ZDBF2: variants seen among roughly 807,000 people sequenced by gnomAD.
ZDBF2 encodes DBF4-type zinc finger-containing protein 2.
In ZDBF2, 6 loss-of-function variants were observed where a neutral mutation model predicts 9.4. The ratio of observed to expected loss-of-function variants is 0.64; its 90% CI spans 0.35 to 1.27. ZDBF2 has a LOEUF of 1.27. ZDBF2 is among the 50% of genes most tolerant of loss of function. The pLI is 0.03. For synonymous variants in ZDBF2, 905 were observed against 946.3 expected, an observed-to-expected ratio of 0.96 and a Z score of 0.80; for missense variants, 2,697 against 2,766.8, an observed-to-expected ratio of 0.97 and a Z score of 0.57.
intron 3 of ZDBF2, among the ~76,000 whole-genome samples, chr2:206,283,610 C>T (rs2105903039): frequency 6.6e-6 from 1 of 151,752 alleles, no homozygotes; most frequent in Admixed American, 6.6e-5. Flanking sequence ...GATAATTGAC[C>T]TTTATCAGAT....
rs772612974 is a variant in ZDBF2 at position 206,310,321 on chromosome 2, G to A, written c.5793G>A (p.Gly1931=). The change falls in exon 5 of 5, where the codon GGG becomes GGA. Residue 1931 remains glycine (G), a synonymous_variant. Transcript: ENST00000374423. ...CAGAGAGGCCTCCTAAGCAAAAGGGGCGTGTGGCTTCTCAATGCCAGACAG... is the reference window on the plus strand; with the variant it reads ...CAGAGAGGCCTCCTAAGCAAAAGGGACGTGTGGCTTCTCAATGCCAGACAG... The part of the protein sequence containing the change: ...PPAERPPKQK[G]RVASQCQTAK... 2.5e-6 allele frequency: 4 copies of A among 1,613,918 alleles called. No homozygotes were observed. Among genetic ancestry groups the A allele is most frequent in the Non-Finnish European group, 2.5e-6 (3 of 1,179,874 alleles).
intron 2 of ZDBF2, among the ~76,000 whole-genome samples, chr2:206,280,090 C>T (rs1691235743): frequency 6.6e-6 from 1 of 152,214 alleles, no homozygotes; most frequent in Non-Finnish European, 1.5e-5. Context: ...CAGGCATGAG[C>T]CACCATGCCC....
chr2:206,305,654 G>C lies in ZDBF2; in HGVS notation c.1126G>C (p.Asp376His). Reference sequence around the variant, plus strand: ...TTGTATCTCTCTTCAGTCAGCATCTGATCAGCCCCAAGAGACTGCACAAGA... The same window carrying C: ...TTGTATCTCTCTTCAGTCAGCATCTCATCAGCCCCAAGAGACTGCACAAGA... ...FDCISLQSAS[D>H]QPQETAQDLS... The change falls in exon 5 of 5, where the codon GAT (aspartate) becomes CAT (histidine). Residue 376 changes from aspartate to histidine, a missense_variant. Physicochemically the swap from Asp to His is moderately conservative, Grantham distance 81. Transcript: ENST00000374423. The C allele has an allele frequency of 1.2e-6, 2 of 1,613,638 alleles. No individual in the cohort carries two copies. Among genetic ancestry groups the C allele is most frequent in the Non-Finnish European group, 1.7e-6 (2 of 1,179,762 alleles).
chr2:206,291,183 T>G (rs950637473), intron 3 of ZDBF2, among the ~76,000 whole-genome samples: 1 of 152,232 alleles, frequency 6.6e-6, no homozygotes, highest in Non-Finnish European at 1.5e-5. Context: ...CACCAGGGAC[T>G]GGTTTCGTGG....
intron 2 of ZDBF2, among the ~76,000 whole-genome samples, chr2:206,280,759 A>G (rs988617125): frequency 5.3e-5 from 8 of 152,052 alleles, no homozygotes; most frequent in Non-Finnish European, 8.8e-5. Context: ...CCCTCATCTT[A>G]TGGTTTTAAG....
At chr2:206,299,516 A>C (rs1692382547) in intron 4 of ZDBF2, among the ~76,000 whole-genome samples, 1 of 151,746 alleles carries the variant, frequency 6.6e-6, no homozygotes, top group Non-Finnish European at 1.5e-5. Context: ...TACTAAAAAT[A>C]CAAAAATTAG....
intron 3 of ZDBF2, 85 bp from the exon 4 acceptor site, chr2:206,297,159 AAG>A: frequency 1.8e-6 from 1 of 544,160 alleles, no homozygotes; most frequent in Non-Finnish European, 3.2e-6. Flanking sequence ...TAATTTTACC[AAG>A]AGTATAGAAA....
chr2:206,308,143 C>T lies in ZDBF2; in HGVS notation c.3615C>T (p.Asp1205=), dbSNP rs548936026. The T allele has an allele frequency of 9.3e-6, 15 of 1,613,872 alleles. No homozygotes were observed. The South Asian group carries it at 1.5e-4, about 17-fold the overall frequency. ...CTGAAGTAAGTTTTGATTCTGATGA[C>T]CCTCTTCAGTCAGTGGCTGACCGGC... is the stretch of plus-strand genomic sequence containing the variant. The part of the protein sequence containing the change: ...CGSEVSFDSD[D]PLQSVADRLR... The change falls in exon 5 of 5, where the codon GAC becomes GAT. Residue 1205 remains aspartate, a synonymous_variant. Transcript: ENST00000374423.
Position 206,307,793 on chromosome 2 carries a change from G to A in ZDBF2, c.3265G>A (p.Glu1089Lys), listed in dbSNP as rs777447551. Residue 1089 changes from glutamate (E) to lysine (K), a missense_variant, in exon 5 of 5, where the codon GAA becomes AAA. Glu to Lys is a moderately conservative substitution (Grantham distance 56). This residue lies in a region of ZDBF2 where 1,783 missense variants were observed against 1,776.5 expected (regional missense o/e 1.00). Coordinates refer to ENST00000374423, the MANE Select transcript of ZDBF2 (RefSeq NM_020923.3). ...KITFDSEQLQEAVKKIDQWKE... is the reference protein window; with the variant it reads ...KITFDSEQLQKAVKKIDQWKE... ...AACTTTTGATTCTGAACAACTTCAG[G>A]AAGCGGTTAAAAAAATAGACCAATG... is the stretch of plus-strand genomic sequence containing the variant. The A allele has an allele frequency of 2.2e-5, 36 of 1,610,440 alleles. No individual in the cohort carries two copies. Among genetic ancestry groups the A allele is most frequent in the Non-Finnish European group, 3.1e-5 (36 of 1,179,056 alleles).
At chr2:206,280,271 G>T (rs895989232) in intron 2 of ZDBF2, among the ~76,000 whole-genome samples, 5 of 152,232 alleles carry the variant, frequency 3.3e-5, no homozygotes, top group Non-Finnish European at 7.3e-5. Flanking sequence ...CACTAGAGAT[G>T]ACGGAAGTGG....
Position 206,311,231 on chromosome 2 carries a change from CGTCATA to C in ZDBF2, c.6705_6710del (p.His2236_Arg2237del). The stretch of plus-strand genomic sequence containing the variant: ...TATTTCGAAATACTCTGTCTTTTTA[CGTCATA>C]GATATCAGTCCAGGAGCGCTTTTCT... On this transcript the variant is annotated inframe_deletion, in exon 5 of 5. Coordinates refer to ENST00000374423, the MANE Select transcript of ZDBF2 (RefSeq NM_020923.3). 6.2e-7 allele frequency: 1 copy of C among 1,611,504 alleles called. No homozygotes were observed. The highest frequency in any genetic ancestry group is 8.5e-7 in the Non-Finnish European group (1 of 1,178,872).
In ZDBF2 at chr2:206,305,716, A is replaced by G; in HGVS notation, c.1188A>G (p.Glu396=). The G allele has an allele frequency of 3.1e-6, 5 of 1,613,774 alleles. No homozygotes were observed. The highest frequency in any genetic ancestry group is 4.2e-6 in the Non-Finnish European group (5 of 1,179,812). The change falls in exon 5 of 5, where the codon GAA becomes GAG. Residue 396 remains glutamate, a synonymous_variant. Transcript: ENST00000374423. The part of the protein sequence containing the change: ...SLWKEEQIDQ[E]DNYESRGSEM... Reference sequence around the variant, plus strand: ...GGAAGGAGGAGCAAATTGACCAAGAAGATAACTATGAGTCTAGAGGTTCAG... The same window carrying G: ...GGAAGGAGGAGCAAATTGACCAAGAGGATAACTATGAGTCTAGAGGTTCAG...
At chr2:206,299,101 G>A (rs568866987) in intron 4 of ZDBF2, among the ~76,000 whole-genome samples, 6 of 151,606 alleles carry the variant, frequency 4.0e-5, no homozygotes, top group East Asian at 2.0e-4. Context: ...GGCTGGTCTC[G>A]AACTCCCGAC....
Position 206,308,440 on chromosome 2 carries a change from TA to T in ZDBF2, c.3915del (p.Glu1306LysfsTer2), listed in dbSNP as rs1370455564. On this transcript the variant is annotated frameshift_variant, in exon 5 of 5. Coordinates refer to ENST00000374423, the MANE Select transcript of ZDBF2 (RefSeq NM_020923.3). LOFTEE classifies it low-confidence loss of function (END_TRUNC). ...SVTNKIPGAN[K>X]EINLLREEHV... The stretch of plus-strand genomic sequence containing the variant: ...TAACTAATAAAATTCCAGGGGCGAA[TA>T]AAGAAATAAATCTTTTGAGGGAGGA... 6.2e-7 allele frequency: 1 copy of T among 1,613,410 alleles called. No individual in the cohort carries two copies. The highest frequency in any genetic ancestry group is 1.1e-5 in the South Asian group (1 of 91,022).
rs1280010247 is a variant in ZDBF2, at chr2:206,308,435, G to A, written c.3907G>A (p.Ala1303Thr). ...LQSVTNKIPG[A>T]NKEINLLREE... ...GTCCGTAACTAATAAAATTCCAGGG[G>A]CGAATAAAGAAATAAATCTTTTGAG... The change falls in exon 5 of 5, where the codon GCG (alanine) becomes ACG (threonine). Residue 1303 changes from alanine to threonine, a missense_variant. Ala to Thr is a moderately conservative substitution (Grantham distance 58). Transcript: ENST00000374423. The A allele has an allele frequency of 1.2e-6, 2 of 1,613,178 alleles. No homozygotes were observed. The highest frequency in any genetic ancestry group is 2.7e-5 in the African/African-American group (2 of 74,908).
In ZDBF2 at chr2:206,311,324, G is replaced by A; in HGVS notation, c.6796G>A (p.Ala2266Thr). 1 of 1,604,326 alleles carries A rather than the reference G, an allele frequency of 6.2e-7. No individual in the cohort carries two copies. Among genetic ancestry groups the A allele is most frequent in the Non-Finnish European group, 8.5e-7 (1 of 1,174,802 alleles). Residue 2266 changes from alanine (A) to threonine (T), a missense_variant, in exon 5 of 5, where the codon GCT becomes ACT. Ala to Thr is a moderately conservative substitution (Grantham distance 58, BLOSUM62 0). Coordinates refer to ENST00000374423, the MANE Select transcript of ZDBF2 (RefSeq NM_020923.3). ...VSRLKKAKRTAKVLLNSSVPP... is the reference protein window; with the variant it reads ...VSRLKKAKRTTKVLLNSSVPP... ...TAGGCTAAAGAAGGCGAAGAGAACAGCTAAAGTGCTTTTGAACTCTTCAGT... is the reference window on the plus strand; with the variant it reads ...TAGGCTAAAGAAGGCGAAGAGAACAACTAAAGTGCTTTTGAACTCTTCAGT...
Position 206,309,943 on chromosome 2 carries a change from G to A in ZDBF2, c.5415G>A (p.Lys1805=). ...CTGTAAGGAACCTGAAAAAAGCAAAGGATGTCATAGAGGATAATCCTGATG... is the reference window on the plus strand; with the variant it reads ...CTGTAAGGAACCTGAAAAAAGCAAAAGATGTCATAGAGGATAATCCTGATG... ...VDSVRNLKKA[K]DVIEDNPDEP... is the part of the protein sequence containing the mutation. Residue 1805 remains lysine, a synonymous_variant, in exon 5 of 5, where the codon AAG becomes AAA. Transcript: ENST00000374423. The A allele has an allele frequency of 6.2e-7, 1 of 1,613,838 alleles. No homozygotes were observed. Among genetic ancestry groups the A allele is most frequent in the Non-Finnish European group, 8.5e-7 (1 of 1,179,852 alleles).
At chr2:206,286,308 C>T (rs1691596932) in intron 3 of ZDBF2, among the ~76,000 whole-genome samples, 1 of 152,032 alleles carries the variant, frequency 6.6e-6, no homozygotes, top group Non-Finnish European at 1.5e-5. Flanking sequence ...TAATCAAGTC[C>T]TCAGCCAGTC....
chr2:206,282,763 C>G (rs1164372339), intron 3 of ZDBF2, among the ~76,000 whole-genome samples: 1 of 152,158 alleles, frequency 6.6e-6, no homozygotes, highest in Non-Finnish European at 1.5e-5. Flanking sequence ...GTGTATAATT[C>G]AGTGATGTTT....
Sources: gnomAD v4.1 joint callset for allele counts (sites outside exome capture counted in the v4.1 genomes callset) on GRCh38, gnomAD v4.1.1 for gene constraint, gnomAD v4.1.1 regional missense constraint, MANE v1.5 for transcripts, NCBI Gene and HGNC (gene_info 2026-07-23, HGNC 2026-07-21) for gene names.